The following TMEM74 variants were observed in gnomAD, a reference collection of about 807,000 sequenced individuals.
The protein encoded by TMEM74 is transmembrane protein 74.
TMEM74 carries 13 observed loss-of-function variants against 18.1 expected under a neutral mutation model. The ratio of observed to expected loss-of-function variants is 0.72; its 90% CI spans 0.47 to 1.14. The LOEUF (loss-of-function observed/expected upper bound fraction) is 1.14. Ranked by LOEUF, TMEM74 falls within the 50% of genes most tolerant of loss-of-function variation. TMEM74 has a pLI of 0.00. For missense variants in TMEM74, 372 were observed against 375.9 expected (o/e 0.99, Z 0.09); for synonymous variants, 159 against 146.6 (o/e 1.08, Z -0.61).
At chr8:108,709,565 T>A (rs1813454543) in intron 1 of TMEM74, among the ~76,000 whole-genome samples, 1 of 152,080 alleles carries the variant, frequency 6.6e-6, no homozygotes, top group South Asian at 2.1e-4. Flanking sequence ...TGGCATAAAG[T>A]TTCATTTATG....
intron 1 of TMEM74, among the ~76,000 whole-genome samples, chr8:108,695,772 A>C (rs1813275858): frequency 6.6e-6 from 1 of 152,206 alleles, no homozygotes; most frequent in African/African-American, 2.4e-5. Flanking sequence ...AAGGGGCAGC[A>C]TGGGCATACT....
At chr8:108,663,896 G>A (rs1281985981) in intron 1 of TMEM74, among the ~76,000 whole-genome samples, 5 of 152,136 alleles carry the variant, frequency 3.3e-5, no homozygotes, top group Non-Finnish European at 7.3e-5. Context: ...ACTTATAAGT[G>A]GGAGCTGAAC....
chr8:108,693,735 A>T (rs1176575694), intron 1 of TMEM74, among the ~76,000 whole-genome samples: 1 of 152,246 alleles, frequency 6.6e-6, no homozygotes, highest in Non-Finnish European at 1.5e-5. Context: ...GCTGAATGCT[A>T]ATTGATTTTA....
intron 1 of TMEM74, among the ~76,000 whole-genome samples, chr8:108,710,037 T>C (rs1354626530): frequency 6.6e-6 from 1 of 152,140 alleles, no homozygotes; most frequent in Non-Finnish European, 1.5e-5. Flanking sequence ...TTGCTCTGGG[T>C]CTCAGGTTTT....
chr8:108,695,860 T>C (rs1586264396), intron 1 of TMEM74, among the ~76,000 whole-genome samples: 1 of 152,194 alleles, frequency 6.6e-6, no homozygotes, highest in Non-Finnish European at 1.5e-5. Context: ...TCAGAAATGA[T>C]AGGAAGCTCA....
intron 1 of TMEM74, among the ~76,000 whole-genome samples, chr8:108,756,666 A>G (rs1317490207): frequency 1.1e-5 from 1 of 92,850 alleles, no homozygotes; most frequent in Non-Finnish European, 2.1e-5. Flanking sequence ...GAAAGAAAGA[A>G]AGAAAGAAAG....
At chr8:108,760,534 GC>G (rs1814032317) in intron 1 of TMEM74, among the ~76,000 whole-genome samples, 1 of 151,940 alleles carries the variant, frequency 6.6e-6, no homozygotes, top group African/African-American at 2.4e-5. Context: ...AATGCTTGTG[GC>G]TTGTTCTTGC....
intron 2 of TMEM74, among the ~76,000 whole-genome samples, chr8:108,629,514 C>T (rs1812528900): frequency 6.6e-6 from 1 of 151,854 alleles, no homozygotes; most frequent in African/African-American, 2.4e-5. Context: ...ACAAGAGCAA[C>T]CCCAAGACAC....
rs542536092 is a variant in TMEM74 at position 108,781,421 on chromosome 8, C to T, written c.*2760G>A. On this transcript the variant is annotated 3_prime_UTR_variant, in exon 2 of 2. Transcript: ENST00000297459. ...AAATAAAGCACATGGCTTTTCTTTGCCTGTGTTACCATCATTTTAAATTCA... is the reference window on the plus strand; with the variant it reads ...AAATAAAGCACATGGCTTTTCTTTGTCTGTGTTACCATCATTTTAAATTCA... 2.0e-5 allele frequency among the ~76,000 whole-genome samples: 3 copies of T among 152,262 alleles called. No homozygotes were observed. The South Asian group carries it at 6.2e-4, about 32-fold the overall frequency.
intron 2 of TMEM74, among the ~76,000 whole-genome samples, chr8:108,611,818 A>C (rs751319133): frequency 6.6e-6 from 1 of 152,014 alleles, no homozygotes; most frequent in East Asian, 1.9e-4. Context: ...AAGGCACTGT[A>C]TTAGTCTGTT....
chr8:108,698,834 G>T (rs975239304), intron 1 of TMEM74, among the ~76,000 whole-genome samples: 2 of 151,892 alleles, frequency 1.3e-5, no homozygotes, highest in Non-Finnish European at 2.9e-5. Context: ...TCTTAAATAC[G>T]AAGTAAAATG....
chr8:108,709,037 G>A (rs1813448872), intron 1 of TMEM74, among the ~76,000 whole-genome samples: 2 of 152,078 alleles, frequency 1.3e-5, no homozygotes, highest in South Asian at 2.1e-4. Context: ...AAAAGCATTG[G>A]TGATGATGTG....
intron 1 of TMEM74, among the ~76,000 whole-genome samples, chr8:108,709,647 T>A (rs1813455430): frequency 6.6e-6 from 1 of 152,048 alleles, no homozygotes; most frequent in South Asian, 2.1e-4. Context: ...ATTGCACACT[T>A]CAAAATTTAA....
At chr8:108,725,024 C>T (rs1179624556) in intron 1 of TMEM74, among the ~76,000 whole-genome samples, 1 of 152,194 alleles carries the variant, frequency 6.6e-6, no homozygotes, top group Non-Finnish European at 1.5e-5. Flanking sequence ...TGTTCTGCTT[C>T]ATTCACAAGC....
rs1814033028 is a variant in TMEM74, at chr8:108,760,605, C to T, written n.119+26871G>A. Among the ~76,000 whole-genome samples, 4 of 152,072 alleles carry T rather than the reference C, an allele frequency of 2.6e-5. No homozygotes were observed. In the South Asian group the frequency reaches 8.3e-4, roughly 32 times the overall value. On this transcript the variant is annotated intron_variant and non_coding_transcript_variant, in intron 1 of 3. Transcript: ENST00000518838. ...GACTGCCAAGGAGAGCTTCAGGAAG[C>T]TCTCCTTGGAAGAGATGCAATTATC... is the stretch of plus-strand genomic sequence containing the variant.
intron 1 of TMEM74, among the ~76,000 whole-genome samples, chr8:108,658,979 C>T (rs919044899): frequency 5.9e-5 from 9 of 152,028 alleles, no homozygotes; most frequent in African/African-American, 2.2e-4. Flanking sequence ...TCAAGCTAAA[C>T]TTACTTTTAC....
intron 2 of TMEM74, among the ~76,000 whole-genome samples, chr8:108,653,505 A>G (rs1812793822): frequency 6.6e-6 from 1 of 152,196 alleles, no homozygotes; most frequent in South Asian, 2.1e-4. Context: ...CACAGGATGT[A>G]CTTGTATTTA....
At chr8:108,628,423 T>C (rs1260174563) in intron 2 of TMEM74, among the ~76,000 whole-genome samples, 1 of 152,002 alleles carries the variant, frequency 6.6e-6, no homozygotes, top group African/African-American at 2.4e-5. Flanking sequence ...TACCTGGGGT[T>C]AGTGCAGCTT....
At chr8:108,719,704 G>A (rs1220247163) in intron 1 of TMEM74, among the ~76,000 whole-genome samples, 3 of 152,084 alleles carry the variant, frequency 2.0e-5, no homozygotes, top group African/African-American at 7.2e-5. Context: ...GAGTGGAGAG[G>A]CTAGTGGGGG....
Sources: gnomAD v4.1 joint callset for allele counts (sites outside exome capture counted in the v4.1 genomes callset) on GRCh38, gnomAD v4.1.1 for gene constraint, MANE v1.5 for transcripts, NCBI Gene and HGNC (gene_info 2026-07-23, HGNC 2026-07-21) for gene names.